LMX1A: variants seen among roughly 807,000 people sequenced by gnomAD.
LMX1A encodes LIM homeobox transcription factor 1 alpha, also known as LIM homeobox transcription factor 1-alpha.
Under a neutral mutation model 49.1 loss-of-function variants are expected in LMX1A, and 15 were observed. The observed-to-expected ratio is 0.31, with a 90% confidence interval of 0.20 to 0.47. The LOEUF is 0.47. LMX1A is among the 20% of genes least tolerant of loss of function. LMX1A has a pLI of 1.00. For synonymous variants in LMX1A, 167 were observed against 185.7 expected (o/e 0.90, Z 0.82); for missense variants, 372 against 475.8 (o/e 0.78, Z 2.03).
intron 3 of LMX1A, among the ~76,000 whole-genome samples, chr1:165,281,047 G>C (rs1557872236): frequency 6.6e-6 from 1 of 152,248 alleles, no homozygotes; most frequent in East Asian, 1.9e-4. Context: ...AAGTAGTCTG[G>C]TGGCTGGAGT....
At chr1:165,204,821 G>A (rs1367024149) in intron 8 of LMX1A, among the ~76,000 whole-genome samples, 2 of 152,206 alleles carry the variant, frequency 1.3e-5, no homozygotes, top group Non-Finnish European at 2.9e-5. Context: ...TCCGATAGCT[G>A]TGGAGTAAAG....
At chr1:165,306,319 T>C (rs572622737) in intron 3 of LMX1A, among the ~76,000 whole-genome samples, 1 of 152,348 alleles carries the variant, frequency 6.6e-6, no homozygotes, top group South Asian at 2.1e-4. Flanking sequence ...GGGTTCACCA[T>C]ATGACTTGTT....
chr1:165,300,065 GAGTC>G (rs1301492313), intron 3 of LMX1A, among the ~76,000 whole-genome samples: 1 of 152,100 alleles, frequency 6.6e-6, no homozygotes, highest in Non-Finnish European at 1.5e-5. Context: ...CTTTTGGGAA[GAGTC>G]AGTCTCATGG....
chr1:165,349,352 A>T (rs1656345087), intron 3 of LMX1A, among the ~76,000 whole-genome samples: 1 of 152,244 alleles, frequency 6.6e-6, no homozygotes, highest in East Asian at 1.9e-4. Context: ...ACAGTTATAT[A>T]AATAGAAGTC....
intron 3 of LMX1A, among the ~76,000 whole-genome samples, chr1:165,262,585 C>A (rs981536179): frequency 3.3e-5 from 5 of 152,166 alleles, no homozygotes; most frequent in Non-Finnish European, 7.3e-5. Context: ...AAGGGATACC[C>A]CTTCCCACTT....
chr1:165,309,921 CA>C (rs1311057347), intron 3 of LMX1A, among the ~76,000 whole-genome samples: 12 of 152,206 alleles, frequency 7.9e-5, no homozygotes, highest in African/African-American at 2.9e-4. Flanking sequence ...GTCATTTCCT[CA>C]AAGATGTCTC....
At chr1:165,293,024 G>T (rs1654520639) in intron 3 of LMX1A, among the ~76,000 whole-genome samples, 1 of 151,846 alleles carries the variant, frequency 6.6e-6, no homozygotes, top group South Asian at 2.1e-4. Context: ...GCCTGAGACA[G>T]AAGATTCGCT....
chr1:165,228,648 G>T (rs938747446), intron 4 of LMX1A, among the ~76,000 whole-genome samples: 1 of 152,138 alleles, frequency 6.6e-6, no homozygotes, highest in Non-Finnish European at 1.5e-5. Context: ...CACTTTCTTT[G>T]TTATCTTCCT....
intron 5 of LMX1A, among the ~76,000 whole-genome samples, chr1:165,212,560 T>G (rs1435291372): frequency 2.6e-5 from 4 of 152,100 alleles, no homozygotes; most frequent in Middle Eastern, 3.4e-3. Context: ...CAAAAAAGGA[T>G]GCAGGAAAAA....
intron 3 of LMX1A, among the ~76,000 whole-genome samples, chr1:165,273,051 T>C (rs1653853737): frequency 6.6e-6 from 1 of 152,186 alleles, no homozygotes; most frequent in South Asian, 2.1e-4. Flanking sequence ...CCAACCCAGC[T>C]GGAGACATGA....
intron 3 of LMX1A, among the ~76,000 whole-genome samples, chr1:165,281,147 C>T (rs1238376837): frequency 6.6e-6 from 1 of 152,124 alleles, no homozygotes; most frequent in African/African-American, 2.4e-5. Context: ...AACAATTCCT[C>T]TCATTCAGGA....
intron 4 of LMX1A, among the ~76,000 whole-genome samples, chr1:165,220,617 G>T (rs745541322): frequency 6.6e-6 from 1 of 152,206 alleles, no homozygotes; most frequent in African/African-American, 2.4e-5. Flanking sequence ...CTACTTCCAG[G>T]ACCAGGCCCA....
intron 4 of LMX1A, among the ~76,000 whole-genome samples, chr1:165,235,543 A>T (rs566835265): frequency 1.4e-4 from 21 of 152,210 alleles, no homozygotes; most frequent in South Asian, 1.2e-3. Flanking sequence ...CATTACTTTT[A>T]ATTAACTCTG....
intron 3 of LMX1A, among the ~76,000 whole-genome samples, chr1:165,352,869 C>G (rs1656473417): frequency 6.6e-6 from 1 of 152,252 alleles, no homozygotes; most frequent in South Asian, 2.1e-4. Flanking sequence ...CTGCGGGACT[C>G]GGGCCACTGC....
chr1:165,250,120 A>G (rs1158846134), intron 3 of LMX1A, among the ~76,000 whole-genome samples: 1 of 152,198 alleles, frequency 6.6e-6, no homozygotes, highest in Non-Finnish European at 1.5e-5. Flanking sequence ...AAAATAGCTA[A>G]TGCATACTGG....
At chr1:165,238,015 T>C (rs1374330464) in intron 4 of LMX1A, among the ~76,000 whole-genome samples, 1 of 152,218 alleles carries the variant, frequency 6.6e-6, no homozygotes, top group African/African-American at 2.4e-5. Flanking sequence ...GGGTTGGCTC[T>C]GCATGTCCAG....
At chr1:165,284,441 TAAC>T (rs1356051509) in intron 3 of LMX1A, among the ~76,000 whole-genome samples, 1 of 152,194 alleles carries the variant, frequency 6.6e-6, no homozygotes, top group Non-Finnish European at 1.5e-5. Context: ...GAACACATCC[TAAC>T]AACAAACACT....
chr1:165,267,740 G>A lies in LMX1A; in HGVS notation c.264-18100C>T, dbSNP rs181892915. 3.2e-3 allele frequency among the ~76,000 whole-genome samples: 489 copies of A among 152,264 alleles called. 2 individuals are homozygous for A. The highest frequency in any genetic ancestry group is 0.011 in the African/African-American group (461 of 41,550). Reference sequence around the variant, plus strand: ...ACTCAAGTGAATATTTCAAGGGAACGGGAGTAATGAAACCCACCGAAGGTT... The same window carrying A: ...ACTCAAGTGAATATTTCAAGGGAACAGGAGTAATGAAACCCACCGAAGGTT... On this transcript the variant is annotated intron_variant, in intron 3 of 8. Transcript: ENST00000342310.
rs972608781 is a variant in LMX1A at position 165,355,803 on chromosome 1, T to G, written c.-22-222A>C. 3.8e-6 allele frequency: 2 copies of G among 525,056 alleles called. No homozygotes were observed. Among genetic ancestry groups the G allele is most frequent in the African/African-American group, 1.9e-5 (1 of 52,024 alleles). 32.5% of individuals were successfully genotyped at this position (525,056 alleles called of 1,614,324 possible). A position where few individuals can be genotyped will look rare whatever the true frequency, so the allele number is the denominator to read the frequency against. ...CACTTGAAGTCAACACGTTATGTAC[T>G]TAGGCCTCCGCCCCCCAACTGCGTT... is the stretch of plus-strand genomic sequence containing the variant. On this transcript the variant is annotated intron_variant, in intron 1 of 8. Transcript: ENST00000342310. This position sits in a 1 kb window ranked among gnomAD's most constrained non-coding sequence, Gnocchi z 4.7.
Sources: gnomAD v4.1 joint callset for allele counts (sites outside exome capture counted in the v4.1 genomes callset) on GRCh38, gnomAD v4.1.1 for gene constraint, Gnocchi (gnomAD v3.1) non-coding constraint, MANE v1.5 for transcripts, NCBI Gene and HGNC (gene_info 2026-07-23, HGNC 2026-07-21) for gene names.